Variants in SGMS2 observed in about 807,000 individuals in gnomAD.
SGMS2 encodes the protein sphingomyelin synthase 2.
A neutral mutation model predicts 43.8 loss-of-function variants in SGMS2; 21 were observed. The ratio of observed to expected loss-of-function variants is 0.48; its 90% CI spans 0.34 to 0.69. SGMS2 has a LOEUF of 0.69. SGMS2 is among the 30% of genes least tolerant of loss of function. The pLI, the probability that SGMS2 is intolerant of heterozygous loss-of-function variation, is 0.01. For missense variants in SGMS2, 384 were observed against 443.2 expected (o/e 0.87, Z 1.20); for synonymous variants, 167 against 160.6 (o/e 1.04, Z -0.30).
intron 2 of SGMS2, among the ~76,000 whole-genome samples, chr4:107,861,906 C>T (rs765880317): frequency 4.6e-5 from 7 of 152,158 alleles, no homozygotes; most frequent in Admixed American, 3.9e-4. Context: ...ACTTTTGTAT[C>T]CTCCTGTTCA....
rs551370135 is a variant in SGMS2, at chr4:107,902,180, C to G, written c.574-1053C>G. 4.0e-5 allele frequency among the ~76,000 whole-genome samples: 6 copies of G among 150,082 alleles called. No homozygotes were observed. The South Asian group carries it at 1.3e-3, about 31-fold the overall frequency. ...ATACTTACCTTCTTAATGGAAGAAA[C>G]AGTGTAGATGATAAGCTTTCCTTTT... On this transcript the variant is annotated intron_variant, in intron 4 of 6. Coordinates refer to ENST00000690982, the MANE Select transcript of SGMS2 (RefSeq NM_001375905.1).
intron 2 of SGMS2, among the ~76,000 whole-genome samples, chr4:107,889,754 A>G (rs1730052800): frequency 6.6e-6 from 1 of 152,204 alleles, no homozygotes; most frequent in African/African-American, 2.4e-5. Context: ...TGCATATTAA[A>G]GGAAACAACT....
chr4:107,829,638 G>A lies in SGMS2; in HGVS notation c.-327+4385G>A, dbSNP rs549411947. Among the ~76,000 whole-genome samples the A allele has an allele frequency of 1.1e-3, 164 of 152,130 alleles. 1 individual carries two copies. The highest frequency in any genetic ancestry group is 3.7e-3 in the African/African-American group (152 of 41,498). On this transcript the variant is annotated intron_variant, in intron 1 of 6. Coordinates refer to ENST00000690982, the MANE Select transcript of SGMS2 (RefSeq NM_001375905.1). ...TTGTGTTTATTTAAATTGATATCTC[G>A]CTTAAAGCTTTCAAACTAAACTTGT...
At chr4:107,885,123 C>T (rs781088309) in intron 2 of SGMS2, among the ~76,000 whole-genome samples, 1 of 152,062 alleles carries the variant, frequency 6.6e-6, no homozygotes, top group Non-Finnish European at 1.5e-5. Flanking sequence ...GGAAGTTAAC[C>T]TAGATAATAC....
intron 6 of SGMS2, 53 bp downstream of exon 6, chr4:107,908,784 C>G (rs1451875234): frequency 1.3e-6 from 2 of 1,527,644 alleles, no homozygotes; most frequent in African/African-American, 2.7e-5. Context: ...TGCAGTGGAC[C>G]CTTTTCATGT....
chr4:107,849,205 TGTGTCTACAGGAGG>T (rs1726999486), intron 1 of SGMS2, among the ~76,000 whole-genome samples: 1 of 152,120 alleles, frequency 6.6e-6, no homozygotes. Flanking sequence ...AATAGAGAGC[TGTGTCTACAGGAGG>T]GTACAATGCG....
rs139371596 is a variant in SGMS2 at position 107,850,267 on chromosome 4, A to G, written c.-326-8205A>G. On this transcript the variant is annotated intron_variant, in intron 1 of 6. Coordinates refer to ENST00000690982, the MANE Select transcript of SGMS2 (RefSeq NM_001375905.1). ...TTCCTATAAAGCCTGCAGAACTTCA[A>G]TTAAACCTCTTTTCTTTATAAATTA... Among the ~76,000 whole-genome samples the G allele has an allele frequency of 2.4e-4, 37 of 152,304 alleles. No individual in the cohort carries two copies. The East Asian group carries it at 7.0e-3, about 29-fold the overall frequency.
Position 107,913,275 on chromosome 4 carries a change from C to T in SGMS2, c.*2722C>T, listed in dbSNP as rs1459002669. The T allele has an allele frequency of 6.6e-6, 1 of 151,968 alleles. No individual in the cohort carries two copies. Among genetic ancestry groups the T allele is most frequent in the Non-Finnish European group, 1.5e-5 (1 of 68,010 alleles). 9.4% of individuals were successfully genotyped at this position (151,968 alleles called of 1,614,324 possible). A position where few individuals can be genotyped will look rare whatever the true frequency, so the allele number is the denominator to read the frequency against. ...TAACTCATTTCAAATGAAATTCTCT[C>T]AGATTCTAGTTTTTGAGCTTGTCCA... On this transcript the variant is annotated 3_prime_UTR_variant, in exon 7 of 7. Transcript: ENST00000690982.
In SGMS2 at chr4:107,913,903, TTC is replaced by T. The variant is rs1332301933; in HGVS notation, c.*3352_*3353del. 14 of 151,766 alleles carry T rather than the reference TTC, an allele frequency of 9.2e-5. No individual in the cohort carries two copies. The East Asian group carries it at 1.7e-3, about 19-fold the overall frequency. The allele number at this position is 151,766 out of a possible 1,614,324, so 9.4% of individuals were successfully genotyped here. The stretch of plus-strand genomic sequence containing the variant: ...AATAGTTTGAACATTTCTTTCTTAA[TTC>T]TTTTTTGTTTTTGTTTTGCACTGTA... On this transcript the variant is annotated 3_prime_UTR_variant, in exon 7 of 7. Coordinates refer to ENST00000690982, the MANE Select transcript of SGMS2 (RefSeq NM_001375905.1).
At chr4:107,824,787 C>T, upstream of SGMS2, 1 of 152,368 alleles carries the variant, frequency 6.6e-6, no homozygotes, top group Non-Finnish European at 1.5e-5. Context: ...TGCCACCGGG[C>T]CGACGGGTGA....
intron 2 of SGMS2, chr4:107,886,890 G>C (rs183841363): frequency 6.6e-6 from 1 of 152,224 alleles, no homozygotes; most frequent in East Asian, 1.9e-4. Flanking sequence ...TGTAAGTTAA[G>C]AATACAAATA....
chr4:107,826,753 C>T (rs1286934021), intron 1 of SGMS2, among the ~76,000 whole-genome samples: 1 of 152,126 alleles, frequency 6.6e-6, no homozygotes, highest in African/African-American at 2.4e-5. Context: ...ACTTGGACAC[C>T]TTGAGGTGGC....
At chr4:107,833,479 C>A (rs1381098081) in intron 1 of SGMS2, among the ~76,000 whole-genome samples, 3 of 152,072 alleles carry the variant, frequency 2.0e-5, no homozygotes, top group Non-Finnish European at 4.4e-5. Context: ...TTTTGAGTGC[C>A]AATGTGACAC....
intron 1 of SGMS2, among the ~76,000 whole-genome samples, chr4:107,830,387 T>C (rs1725824842): frequency 6.6e-6 from 1 of 152,158 alleles, no homozygotes; most frequent in African/African-American, 2.4e-5. Flanking sequence ...TTCTTTTGGG[T>C]CTATATCTAG....
At chr4:107,899,533 A>G (rs369285456) in intron 3 of SGMS2, 42 bp from the exon 4 acceptor site, 11 of 1,430,262 alleles carry the variant, frequency 7.7e-6, no homozygotes, top group Non-Finnish European at 1.1e-5. Context: ...AGTAAAACCA[A>G]CCAGTAAACT....
chr4:107,826,333 A>G (rs1241266464), intron 1 of SGMS2, among the ~76,000 whole-genome samples: 3 of 152,246 alleles, frequency 2.0e-5, no homozygotes, highest in Admixed American at 6.5e-5. Context: ...GCCGAGGGTT[A>G]GCATGTGAAA....
Position 107,895,474 on chromosome 4 carries a change from TAGAA to T in SGMS2, c.-79_-76del. 1 of 1,387,800 alleles carries T rather than the reference TAGAA, an allele frequency of 7.2e-7. No individual in the cohort carries two copies. Among genetic ancestry groups the T allele is most frequent in the Non-Finnish European group, 9.9e-7 (1 of 1,015,092 alleles). 86.0% of individuals were successfully genotyped at this position (1,387,800 alleles called of 1,614,324 possible). A position where few individuals can be genotyped will look rare whatever the true frequency, so the allele number is the denominator to read the frequency against. ...TAAGAGTCCATGTTGATCTTGGAAA[TAGAA>T]GGATTGAAAAAAGCTAAATTTCCAC... On this transcript the variant is annotated 5_prime_UTR_variant, in exon 3 of 7. It adds an upstream start codon to the 5' untranslated region. Coordinates refer to ENST00000690982, the MANE Select transcript of SGMS2 (RefSeq NM_001375905.1).
intron 2 of SGMS2, among the ~76,000 whole-genome samples, chr4:107,874,474 TTC>T (rs766569300): frequency 6.6e-6 from 1 of 152,212 alleles, no homozygotes; most frequent in East Asian, 1.9e-4. Flanking sequence ...AGGGATTTAG[TTC>T]TAAAGAACCT....
At chr4:107,886,461 G>A (rs1186122703) in intron 2 of SGMS2, among the ~76,000 whole-genome samples, 1 of 144,340 alleles carries the variant, frequency 6.9e-6, no homozygotes, top group Non-Finnish European at 1.5e-5. Context: ...ATGACCTCCT[G>A]CCTTGGCCTC....
Sources: allele counts gnomAD v4.1 joint callset (sites outside exome capture counted in the v4.1 genomes callset), GRCh38; gene constraint gnomAD v4.1.1; transcripts MANE v1.5; gene names NCBI Gene and HGNC (gene_info 2026-07-23, HGNC 2026-07-21).